The following KCNAB1 variants were observed in gnomAD, a reference collection of about 807,000 sequenced individuals.
KCNAB1 encodes potassium voltage-gated channel subfamily A regulatory beta subunit 1.
A neutral mutation model predicts 64.6 loss-of-function variants in KCNAB1; 35 were observed. The ratio of observed to expected loss-of-function variants is 0.54; its 90% CI spans 0.41 to 0.72. The LOEUF (loss-of-function observed/expected upper bound fraction) is 0.72. Ranked by LOEUF, KCNAB1 falls within the 30% of genes least tolerant of loss-of-function variation. The probability of loss-of-function intolerance (pLI) is 0.00; values close to 1 mark genes in which losing one functional copy is unlikely to be tolerated. For synonymous variants in KCNAB1, 177 were observed against 183.8 expected (o/e 0.96, Z 0.30); for missense variants, 401 against 512.9 (o/e 0.78, Z 2.11).
chr3:156,417,998 A>G (rs1259637247), intron 1 of KCNAB1, among the ~76,000 whole-genome samples: 1 of 152,238 alleles, frequency 6.6e-6, no homozygotes, highest in Non-Finnish European at 1.5e-5. Flanking sequence ...TTTGTTTCTA[A>G]TATTAGCAGC....
intron 1 of KCNAB1, among the ~76,000 whole-genome samples, chr3:156,167,418 C>T (rs2108319479): frequency 6.6e-6 from 1 of 152,306 alleles, no homozygotes; most frequent in South Asian, 2.1e-4. Context: ...CAAATCACTT[C>T]TGGAAATTTC....
chr3:156,406,987 G>A (rs954393334), intron 1 of KCNAB1, among the ~76,000 whole-genome samples: 22 of 152,178 alleles, frequency 1.4e-4, no homozygotes, highest in African/African-American at 5.3e-4. Flanking sequence ...GAGTATCAGT[G>A]TTCTTCTAAA....
chr3:156,229,035 A>T (rs1716359255), intron 1 of KCNAB1, among the ~76,000 whole-genome samples: 1 of 152,160 alleles, frequency 6.6e-6, no homozygotes, highest in African/African-American at 2.4e-5. Flanking sequence ...CCTTGTGTGT[A>T]AAGGGGAGCC....
chr3:156,296,475 C>A (rs1333838431), intron 1 of KCNAB1, among the ~76,000 whole-genome samples: 2 of 88,346 alleles, frequency 2.3e-5, no homozygotes, highest in Non-Finnish European at 4.5e-5. Context: ...CCCCCCCCCA[C>A]CTTTTTTTTT....
chr3:156,214,467 G>A (rs1715196420), intron 1 of KCNAB1, among the ~76,000 whole-genome samples: 1 of 152,148 alleles, frequency 6.6e-6, no homozygotes, highest in Admixed American at 6.5e-5. Flanking sequence ...GAATTGTTGT[G>A]TGAGTAGAGA....
chr3:156,354,017 G>C (rs2108090525), intron 1 of KCNAB1, among the ~76,000 whole-genome samples: 1 of 150,504 alleles, frequency 6.6e-6, no homozygotes. Flanking sequence ...CCACAGTAGA[G>C]GTATTGTCAT....
Position 156,291,502 on chromosome 3 carries a change from C to T in KCNAB1, c.276-130114C>T, listed in dbSNP as rs987191705. ...GCCCAGAAGCGAGCCCGCATTCAGA[C>T]ACCGCGGACCGGCTCCGCGAAGGGC... On this transcript the variant is annotated intron_variant, in intron 1 of 13. Transcript: ENST00000490337. The T allele has an allele frequency of 3.8e-6, 4 of 1,061,604 alleles. No individual in the cohort carries two copies. The Admixed American group carries it at 1.5e-4, about 39-fold the overall frequency. 65.8% of individuals were successfully genotyped at this position (1,061,604 alleles called of 1,614,324 possible).
chr3:156,191,083 C>T (rs1713535796), intron 1 of KCNAB1, among the ~76,000 whole-genome samples: 1 of 152,226 alleles, frequency 6.6e-6, no homozygotes, highest in Non-Finnish European at 1.5e-5. Flanking sequence ...GGATGTTTGT[C>T]CTTGCTAGAG....
intron 8 of KCNAB1, among the ~76,000 whole-genome samples, chr3:156,504,769 CTGAGT>C (rs1055982723): frequency 3.3e-5 from 4 of 121,608 alleles, no homozygotes; most frequent in South Asian, 2.7e-4. Context: ...TTTTTTGCTG[CTGAGT>C]TGTTTGAATT....
chr3:156,482,078 G>GT (rs1305995995), intron 8 of KCNAB1, among the ~76,000 whole-genome samples: 1 of 152,120 alleles, frequency 6.6e-6, no homozygotes, highest in East Asian at 1.9e-4. Context: ...ATGAAGTCAT[G>GT]TAAGATTCAA....
At chr3:156,334,132 T>C (rs191927972) in intron 1 of KCNAB1, among the ~76,000 whole-genome samples, 1 of 152,322 alleles carries the variant, frequency 6.6e-6, no homozygotes, top group Admixed American at 6.5e-5. Context: ...TGGTTTTATT[T>C]TTTGCATTTA....
chr3:156,465,627 T>C lies in KCNAB1; in HGVS notation c.528-16T>C, dbSNP rs767652016. The C allele has an allele frequency of 1.9e-6, 3 of 1,611,382 alleles. No individual in the cohort carries two copies. The highest frequency in any genetic ancestry group is 3.3e-5 in the Admixed American group (2 of 59,986). Reference sequence around the variant, plus strand: ...CACACTCTCATTCAAAGTTATTTGCTTCTTTTTCTTGGCAGAGCTGAAACA... The same window carrying C: ...CACACTCTCATTCAAAGTTATTTGCCTCTTTTTCTTGGCAGAGCTGAAACA... On this transcript the variant is annotated splice_polypyrimidine_tract_variant and intron_variant, in intron 6 of 13. Transcript: ENST00000490337.
intron 1 of KCNAB1, among the ~76,000 whole-genome samples, chr3:156,411,101 A>G (rs1261914113): frequency 6.6e-6 from 1 of 152,182 alleles, no homozygotes. Flanking sequence ...TATCTTTGCC[A>G]GTACTTAGTA....
intron 1 of KCNAB1, among the ~76,000 whole-genome samples, chr3:156,345,830 A>G (rs1463877845): frequency 1.3e-5 from 2 of 152,220 alleles, no homozygotes; most frequent in Non-Finnish European, 2.9e-5. Context: ...AAGAGAAGGA[A>G]AAGATAAGAA....
intron 1 of KCNAB1, among the ~76,000 whole-genome samples, chr3:156,341,630 T>C (rs746821429): frequency 6.6e-6 from 1 of 152,198 alleles, no homozygotes; most frequent in Non-Finnish European, 1.5e-5. Context: ...ATCTGGGCTG[T>C]GTCCATTAAC....
chr3:156,291,016 A>C (rs1462503704), intron 1 of KCNAB1: 11 of 985,496 alleles, frequency 1.1e-5, no homozygotes, highest in Admixed American at 6.2e-5. Context: ...CGGCATAAGC[A>C]CCCCCTCTCT....
chr3:156,182,561 A>G (rs943424414), intron 1 of KCNAB1, among the ~76,000 whole-genome samples: 1 of 148,150 alleles, frequency 6.7e-6, no homozygotes, highest in Admixed American at 6.7e-5. Context: ...ATTTCCTTCC[A>G]TTTTCTTAAG....
intron 1 of KCNAB1, among the ~76,000 whole-genome samples, chr3:156,358,772 C>A (rs376691782): frequency 2.6e-5 from 4 of 152,166 alleles, no homozygotes; most frequent in African/African-American, 9.6e-5. Context: ...ACACAGCTCA[C>A]TTTCCCTATC....
intron 1 of KCNAB1, among the ~76,000 whole-genome samples, chr3:156,149,850 A>C (rs901323653): frequency 6.6e-6 from 1 of 152,196 alleles, no homozygotes; most frequent in Non-Finnish European, 1.5e-5. Context: ...AAACCCCACC[A>C]AAAACACCCT....
Sources: gnomAD v4.1 joint callset for allele counts (sites outside exome capture counted in the v4.1 genomes callset) on GRCh38, gnomAD v4.1.1 for gene constraint, MANE v1.5 for transcripts, NCBI Gene and HGNC (gene_info 2026-07-23, HGNC 2026-07-21) for gene names.